SOBP: variants seen among roughly 807,000 people sequenced by gnomAD.
The protein encoded by SOBP is sine oculis binding protein homolog.
Under a neutral mutation model 53.6 loss-of-function variants are expected in SOBP, and 4 were observed. That is an observed-to-expected ratio of 0.07 (90% CI 0.04 to 0.17). The LOEUF (loss-of-function observed/expected upper bound fraction) is 0.17, where lower values mean the gene tolerates loss of function less well. SOBP is among the 10% of genes least tolerant of loss of function. The pLI is 1.00. For missense variants in SOBP, 1,088 were observed against 1,204.7 expected, an observed-to-expected ratio of 0.90 and a Z score of 1.43; for synonymous variants, 584 against 522.6, an observed-to-expected ratio of 1.12 and a Z score of -1.60.
At chr6:107,594,528 C>G (rs1198462628) in intron 5 of SOBP, among the ~76,000 whole-genome samples, 1 of 151,566 alleles carries the variant, frequency 6.6e-6, no homozygotes, top group Non-Finnish European at 1.5e-5. Flanking sequence ...TCCCAGACCT[C>G]TTCATTCTGC....
chr6:107,568,981 A>G (rs775249382), intron 4 of SOBP, among the ~76,000 whole-genome samples: 6 of 152,214 alleles, frequency 3.9e-5, no homozygotes, highest in Non-Finnish European at 8.8e-5. Context: ...GAAGTGAGAA[A>G]GAATTTTTAT....
Position 107,633,883 on chromosome 6 carries a change from A to G in SOBP, c.1039A>G (p.Thr347Ala), listed in dbSNP as rs372170909. 6.2e-7 allele frequency: 1 copy of G among 1,613,972 alleles called. No individual in the cohort carries two copies. Among genetic ancestry groups the G allele is most frequent in the Non-Finnish European group, 8.5e-7 (1 of 1,180,012 alleles). ...CAACTGCTCTGTCACTAAAATCCCC[A>G]CGCCAGTGCCCAAGTCCATCCCCAT... Reference protein sequence around the residue: ...TANCSVTKIPTPVPKSIPISE... With the variant: ...TANCSVTKIPAPVPKSIPISE... Residue 347 changes from threonine (T) to alanine (A), a missense_variant, in exon 6 of 7, where the codon ACG becomes GCG. Transcript: ENST00000317357.
chr6:107,523,416 G>A (rs898322337), intron 3 of SOBP, among the ~76,000 whole-genome samples: 2 of 152,242 alleles, frequency 1.3e-5, no homozygotes, highest in Non-Finnish European at 2.9e-5. Context: ...GGTTCATCTT[G>A]CTTCTTTTAA....
At chr6:107,610,798 A>G (rs547351793) in intron 5 of SOBP, among the ~76,000 whole-genome samples, 846 of 53,524 alleles carry the variant, frequency 0.016, 8 homozygotes, top group Admixed American at 0.021. Flanking sequence ...GTGCACACGC[A>G]CACACACACA....
chr6:107,526,492 T>C (rs1783668113), intron 3 of SOBP, among the ~76,000 whole-genome samples: 1 of 152,164 alleles, frequency 6.6e-6, no homozygotes, highest in Admixed American at 6.5e-5. Context: ...GTCCTTTCTC[T>C]CCTCTTTAAC....
At chr6:107,630,789 T>C (rs1770684549) in intron 5 of SOBP, among the ~76,000 whole-genome samples, 1 of 149,326 alleles carries the variant, frequency 6.7e-6, no homozygotes, top group African/African-American at 2.5e-5. Context: ...TCTCTCACGT[T>C]ACCGAAAACA....
At chr6:107,611,948 A>T (rs760866512) in intron 5 of SOBP, among the ~76,000 whole-genome samples, 12 of 152,232 alleles carry the variant, frequency 7.9e-5, no homozygotes, top group Non-Finnish European at 1.6e-4. Context: ...AATGAGACAT[A>T]TGCATTACAT....
In SOBP at chr6:107,635,030, G is replaced by A; in HGVS notation, c.2186G>A (p.Gly729Asp). 2.4e-6 allele frequency: 3 copies of A among 1,238,660 alleles called. No homozygotes were observed. In the South Asian group the frequency reaches 1.1e-4, roughly 47 times the overall value. 76.7% of individuals were successfully genotyped at this position (1,238,660 alleles called of 1,614,324 possible). Residue 729 changes from glycine (G) to aspartate (D), a missense_variant, in exon 6 of 7, where the codon GGC (glycine) becomes GAC (aspartate). Around this residue, in one of 6 missense-constraint regions of SOBP, gnomAD observed 665 missense variants for 629.7 expected, o/e 1.06. Transcript: ENST00000317357. The surrounding 1 kb of genome is among the most constrained non-coding windows in gnomAD (Gnocchi z 4.5). ...AACGTCATCGTGAACGGCACGCGCGGCGCCGCCGCCGAGGGCGCTAAGAGC... is the reference window on the plus strand; with the variant it reads ...AACGTCATCGTGAACGGCACGCGCGACGCCGCCGCCGAGGGCGCTAAGAGC... ...ACNVIVNGTR[G>D]AAAEGAKSAE...
intron 6 of SOBP, among the ~76,000 whole-genome samples, chr6:107,646,481 C>T (rs1346827481): frequency 6.6e-6 from 1 of 152,220 alleles, no homozygotes; most frequent in Non-Finnish European, 1.5e-5. Flanking sequence ...CATGCATGCA[C>T]AGAGGCAGGC....
chr6:107,608,543 G>A (rs1262546025), intron 5 of SOBP, among the ~76,000 whole-genome samples: 1 of 152,200 alleles, frequency 6.6e-6, no homozygotes, highest in African/African-American at 2.4e-5. Context: ...ACATAGGATG[G>A]TAAGTTTAAA....
In SOBP at chr6:107,635,040, C is replaced by A. The variant is rs1345218422; in HGVS notation, c.2196C>A (p.Ala732=). 2.1e-5 allele frequency: 27 copies of A among 1,275,458 alleles called. No individual in the cohort carries two copies. Among genetic ancestry groups the A allele is most frequent in the Non-Finnish European group, 2.6e-5 (26 of 1,011,630 alleles). 79.0% of individuals were successfully genotyped at this position (1,275,458 alleles called of 1,614,324 possible). Residue 732 remains alanine, a synonymous_variant, in exon 6 of 7, where the codon GCC becomes GCA. Coordinates refer to ENST00000317357, the MANE Select transcript of SOBP (RefSeq NM_018013.4). The surrounding 1 kb of genome is among the most constrained non-coding windows in gnomAD (Gnocchi z 4.5). The part of the protein sequence containing the change: ...VIVNGTRGAA[A]EGAKSAEPPP... ...TGAACGGCACGCGCGGCGCCGCCGC[C>A]GAGGGCGCTAAGAGCGCGGAGCCGC...
intron 3 of SOBP, among the ~76,000 whole-genome samples, chr6:107,527,802 A>G (rs925672468): frequency 6.6e-6 from 1 of 152,220 alleles, no homozygotes; most frequent in Non-Finnish European, 1.5e-5. Flanking sequence ...TTGCTTATAA[A>G]AAGTCACCCC....
intron 5 of SOBP, among the ~76,000 whole-genome samples, chr6:107,589,122 G>C (rs1562636139): frequency 6.6e-6 from 1 of 152,216 alleles, no homozygotes; most frequent in Non-Finnish European, 1.5e-5. Flanking sequence ...TAAAGAATCT[G>C]TCAGAGAAGA....
intron 5 of SOBP, among the ~76,000 whole-genome samples, chr6:107,602,867 T>A (rs1255054717): frequency 6.6e-6 from 1 of 152,186 alleles, no homozygotes; most frequent in Non-Finnish European, 1.5e-5. Context: ...CTGTTGACAT[T>A]TTCAGCAAAT....
intron 3 of SOBP, among the ~76,000 whole-genome samples, chr6:107,522,259 C>A (rs1783532730): frequency 6.6e-6 from 1 of 152,134 alleles, no homozygotes; most frequent in South Asian, 2.1e-4. Context: ...CCACTTTCTT[C>A]TTGAGGGCAG....
chr6:107,601,079 A>G (rs1786161574), intron 5 of SOBP, among the ~76,000 whole-genome samples: 1 of 152,166 alleles, frequency 6.6e-6, no homozygotes, highest in African/African-American at 2.4e-5. Context: ...TCTATTGGCA[A>G]TTTTCCCCAA....
intron 5 of SOBP, among the ~76,000 whole-genome samples, chr6:107,592,249 A>C (rs990086845): frequency 6.6e-6 from 1 of 152,150 alleles, no homozygotes; most frequent in African/African-American, 2.4e-5. Context: ...CCCTGGTTCT[A>C]AGTGTATTCA....
Position 107,661,012 on chromosome 6 carries a change from C to A in SOBP, c.*2809C>A, listed in dbSNP as rs367878962. Reference sequence around the variant, plus strand: ...GCAAGCCCAGCCAAGGACGTGCCAGCGGCCGAGGCACCCGGCTGTGGTTGT... The same window carrying A: ...GCAAGCCCAGCCAAGGACGTGCCAGAGGCCGAGGCACCCGGCTGTGGTTGT... On this transcript the variant is annotated 3_prime_UTR_variant, in exon 7 of 7. Coordinates refer to ENST00000317357, the MANE Select transcript of SOBP (RefSeq NM_018013.4). Among the ~76,000 whole-genome samples the A allele has an allele frequency of 6.6e-6, 1 of 152,176 alleles. No homozygotes were observed. Among genetic ancestry groups the A allele is most frequent in the Admixed American group, 6.5e-5 (1 of 15,286 alleles).
In SOBP at chr6:107,659,023, TTTG is replaced by T. The variant is rs1291991902; in HGVS notation, c.*821_*823del. The T allele has an allele frequency of 6.6e-6, 1 of 152,580 alleles. No homozygotes were observed. Among genetic ancestry groups the T allele is most frequent in the African/African-American group, 2.4e-5 (1 of 41,430 alleles). 9.5% of individuals were successfully genotyped at this position (152,580 alleles called of 1,614,324 possible). ...TTAAATTCCCCTAAATAGCGCCCCATTTGGGAACAGAGCAAGAGTGTTGAACTG... is the reference window on the plus strand; with the variant it reads ...TTAAATTCCCCTAAATAGCGCCCCATGGAACAGAGCAAGAGTGTTGAACTG... On this transcript the variant is annotated 3_prime_UTR_variant, in exon 7 of 7. Transcript: ENST00000317357.
Sources: gnomAD v4.1 joint callset for allele counts (sites outside exome capture counted in the v4.1 genomes callset) on GRCh38, gnomAD v4.1.1 for gene constraint, gnomAD v4.1.1 regional missense constraint, Gnocchi (gnomAD v3.1) non-coding constraint, MANE v1.5 for transcripts, NCBI Gene and HGNC (gene_info 2026-07-23, HGNC 2026-07-21) for gene names.